SLFN12: variants seen among roughly 807,000 people sequenced by gnomAD.
SLFN12 encodes schlafen family member 12.
SLFN12 carries 25 observed loss-of-function variants against 29.1 expected under a neutral mutation model. That is an observed-to-expected ratio of 0.86 (90% CI 0.63 to 1.20). SLFN12 has a LOEUF of 1.20. Among genes scored for constraint, SLFN12 ranks in the 50% most tolerant of loss-of-function variants. The pLI, the probability that SLFN12 is intolerant of heterozygous loss-of-function variation, is 0.00. For missense variants in SLFN12, 660 were observed against 666.2 expected, an observed-to-expected ratio of 0.99 and a Z score of 0.10; for synonymous variants, 257 against 238.7, an observed-to-expected ratio of 1.08 and a Z score of -0.71.
At chr17:35,424,556 A>G (rs1911892979) in intron 1 of SLFN12, among the ~76,000 whole-genome samples, 1 of 152,174 alleles carries the variant, frequency 6.6e-6, no homozygotes, top group African/African-American at 2.4e-5. Flanking sequence ...CATAGAGACA[A>G]TTGAGAATAA....
chr17:35,432,774 G>T (rs1347923290), upstream of SLFN12: 6 of 152,148 alleles, frequency 3.9e-5, no homozygotes, highest in Non-Finnish European at 2.9e-5. Context: ...AGACCGGGAT[G>T]GGGGTGCGGG....
At chr17:35,424,254 A>G (rs1287758298) in intron 1 of SLFN12, among the ~76,000 whole-genome samples, 1 of 152,118 alleles carries the variant, frequency 6.6e-6, no homozygotes, top group Non-Finnish European at 1.5e-5. Flanking sequence ...TAACAAGTGT[A>G]ACTTTTAAGT....
chr17:35,417,048 C>T (rs562488051), intron 3 of SLFN12, among the ~76,000 whole-genome samples: 1 of 152,046 alleles, frequency 6.6e-6, no homozygotes, highest in South Asian at 2.1e-4. Flanking sequence ...AGGAAATAAT[C>T]CCCAACTCAT....
chr17:35,423,903 G>A (rs945009454), intron 1 of SLFN12, among the ~76,000 whole-genome samples: 3 of 152,102 alleles, frequency 2.0e-5, no homozygotes, highest in African/African-American at 7.2e-5. Context: ...GGCAGTCTGC[G>A]ACAGGAAAAG....
Position 35,422,087 on chromosome 17 carries a change from C to T in SLFN12, c.942G>A (p.Val314=), listed in dbSNP as rs1567848645. 1.2e-6 allele frequency: 2 copies of T among 1,614,118 alleles called. No individual in the cohort carries two copies. The highest frequency in any genetic ancestry group is 8.5e-7 in the Non-Finnish European group (1 of 1,180,010). Residue 314 remains valine, a synonymous_variant, in exon 2 of 4, where the codon GTG becomes GTA. Coordinates refer to ENST00000304905, the MANE Select transcript of SLFN12 (RefSeq NM_018042.5). ...ALRVERFCCA[V]FAKEPDSWHV... is the part of the protein sequence containing the mutation. Reference sequence around the variant, plus strand: ...GCCAGGAATCAGGCTCTTTAGCAAACACTGCACAGCAGAAGCGCTCCACTC... The same window carrying T: ...GCCAGGAATCAGGCTCTTTAGCAAATACTGCACAGCAGAAGCGCTCCACTC...
chr17:35,422,853 A>T lies in SLFN12; in HGVS notation c.176T>A (p.Ile59Asn), dbSNP rs1174800618. Residue 59 changes from isoleucine to asparagine, a missense_variant, in exon 2 of 4, where the codon ATC becomes AAC. By Grantham distance (149) the Ile-to-Asn change is moderately radical (BLOSUM62 -3). Coordinates refer to ENST00000304905, the MANE Select transcript of SLFN12 (RefSeq NM_018042.5). ...CALLNSGGGV[I>N]KAEIENEDYS... ...GTCTTCATTCTCAATTTCAGCCTTG[A>T]TCACTCCCCCTCCAGAATTGAGCAG... 6 of 1,613,834 alleles carry T rather than the reference A, an allele frequency of 3.7e-6. 1 individual carries two copies. The highest frequency in any genetic ancestry group is 4.2e-6 in the Non-Finnish European group (5 of 1,179,966).
intron 2 of SLFN12, 142 bp downstream of exon 2, chr17:35,421,848 G>A (rs1019146486): frequency 3.3e-6 from 4 of 1,199,738 alleles, no homozygotes; most frequent in Non-Finnish European, 4.6e-6. Context: ...CCGAGGCAGG[G>A]AACTATTGAT....
chr17:35,432,753 G>C (rs555252120), upstream of SLFN12, among the ~76,000 whole-genome samples: 3 of 152,228 alleles, frequency 2.0e-5, no homozygotes, highest in South Asian at 2.1e-4. Flanking sequence ...GCTTCAGAAG[G>C]GAGAGAAAGC....
chr17:35,411,965 T>C, intron 3 of SLFN12, 38 bp from the exon 4 acceptor site: 1 of 1,439,780 alleles, frequency 6.9e-7, no homozygotes. Flanking sequence ...TATAAAACAC[T>C]AGGAAGTTCC....
rs768285635 is a variant in SLFN12 at position 35,422,602 on chromosome 17, G to T, written c.427C>A (p.Leu143Met). ...SAKVMNATAA[L>M]EFLKDMKKTR... ...TTTTTCATGTCTTTGAGGAACTCCA[G>T]TGCAGCAGTGGCATTCATGACTTTT... Residue 143 changes from leucine to methionine, a missense_variant, in exon 2 of 4, where the codon CTG becomes ATG. Transcript: ENST00000304905. The T allele has an allele frequency of 6.2e-7, 1 of 1,613,998 alleles. No homozygotes were observed. The highest frequency in any genetic ancestry group is 1.1e-5 in the South Asian group (1 of 91,062).
chr17:35,431,659 G>A (rs1229609023), intron 1 of SLFN12, among the ~76,000 whole-genome samples: 1 of 152,048 alleles, frequency 6.6e-6, no homozygotes, highest in Admixed American at 6.5e-5. Flanking sequence ...CTCCAGAGGG[G>A]ATGGCCTACT....
chr17:35,422,957 T>A lies in SLFN12; in HGVS notation c.72A>T (p.Gly24=). The A allele has an allele frequency of 6.2e-7, 1 of 1,613,828 alleles. No individual in the cohort carries two copies. Among genetic ancestry groups the A allele is most frequent in the Non-Finnish European group, 8.5e-7 (1 of 1,179,982 alleles). ...LVLDVGRVTL[G]ENSRKKMKDC... is the part of the protein sequence containing the mutation. ...CCTTCATTTTTTTCCTACTGTTCTC[T>A]CCAAGAGTGACTCTTCCCACATCTA... The change falls in exon 2 of 4, where the codon GGA becomes GGT. Residue 24 remains glycine, a synonymous_variant. Coordinates refer to ENST00000304905, the MANE Select transcript of SLFN12 (RefSeq NM_018042.5).
intron 3 of SLFN12, among the ~76,000 whole-genome samples, chr17:35,418,426 C>A (rs925122171): frequency 3.3e-5 from 5 of 152,078 alleles, no homozygotes; most frequent in African/African-American, 1.2e-4. Flanking sequence ...AGTACGAAGA[C>A]CTCTAAATGA....
chr17:35,411,963 A>G (rs1177104103), intron 3 of SLFN12, 36 bp from the exon 4 acceptor site: 3 of 1,446,624 alleles, frequency 2.1e-6, no homozygotes, highest in Admixed American at 2.3e-5. Flanking sequence ...ATTATAAAAC[A>G]CTAGGAAGTT....
Position 35,430,990 on chromosome 17 carries a change from G to A in SLFN12, c.-41+1198C>T, listed in dbSNP as rs73989722. ...ACATCTATCCTATGGGTTCTAGGTT[G>A]TGAAGGGGTTGATTGTTCTCAGTGA... On this transcript the variant is annotated intron_variant, in intron 1 of 3. Transcript: ENST00000304905. Among the ~76,000 whole-genome samples, 658 of 152,230 alleles carry A rather than the reference G, an allele frequency of 4.3e-3. 9 individuals are homozygous for A. Among genetic ancestry groups the A allele is most frequent in the African/African-American group, 0.015 (627 of 41,544 alleles).
chr17:35,422,120 ACAGACATATC>A lies in SLFN12; in HGVS notation c.899_908del (p.Gly300ValfsTer22). 3 of 1,614,152 alleles carry A rather than the reference ACAGACATATC, an allele frequency of 1.9e-6. No individual in the cohort carries two copies. The highest frequency in any genetic ancestry group is 2.5e-6 in the Non-Finnish European group (3 of 1,180,020). On this transcript the variant is annotated frameshift_variant, in exon 2 of 4. Coordinates refer to ENST00000304905, the MANE Select transcript of SLFN12 (RefSeq NM_018042.5). LOFTEE classifies it high-confidence loss of function. ...AGCAGAAGCGCTCCACTCTGAGTGC[ACAGACATATC>A]CACAAAGACTTCCTTTATCATATAC...
At chr17:35,413,109 C>T (rs371465051) in intron 3 of SLFN12, among the ~76,000 whole-genome samples, 4 of 150,418 alleles carry the variant, frequency 2.7e-5, no homozygotes, top group Admixed American at 6.6e-5. Flanking sequence ...GAGATATATC[C>T]GAAACTGTCA....
At chr17:35,423,205 G>T in intron 1 of SLFN12, 137 bp from the exon 2 acceptor site, 2 of 934,722 alleles carry the variant, frequency 2.1e-6, no homozygotes, top group Non-Finnish European at 2.9e-6. Context: ...TGAAGAGACT[G>T]GCAAATTTTG....
Position 35,420,335 on chromosome 17 carries a change from T to C in SLFN12, c.1086A>G (p.Ser362=), listed in dbSNP as rs756285406. The stretch of plus-strand genomic sequence containing the variant: ...GAGGCCAACTGTGGGGAGCAGGTAA[T>C]GACGTATTTATTTGAGAGATCACCT... ...YEEVISQINT[S]LPAPHSWPLL... Residue 362 remains serine (S), a synonymous_variant, in exon 3 of 4, where the codon TCA becomes TCG. Transcript: ENST00000304905. 1.2e-6 allele frequency: 2 copies of C among 1,613,924 alleles called. No homozygotes were observed. The highest frequency in any genetic ancestry group is 1.7e-5 in the Admixed American group (1 of 60,024).
Sources: allele counts gnomAD v4.1 joint callset (sites outside exome capture counted in the v4.1 genomes callset), GRCh38; gene constraint gnomAD v4.1.1; transcripts MANE v1.5; gene names NCBI Gene and HGNC (gene_info 2026-07-23, HGNC 2026-07-21).